SMURF2: variants seen among roughly 807,000 people sequenced by gnomAD.
SMURF2 encodes the protein E3 ubiquitin-protein ligase SMURF2.
A neutral mutation model predicts 109.6 loss-of-function variants in SMURF2; 48 were observed. That is an observed-to-expected ratio of 0.44 (90% CI 0.35 to 0.56). SMURF2 has a LOEUF of 0.56. Ranked by LOEUF, SMURF2 falls within the 20% of genes least tolerant of loss-of-function variation. The pLI, the probability that SMURF2 is intolerant of heterozygous loss-of-function variation, is 0.01. For synonymous variants in SMURF2, 288 were observed against 317.1 expected (o/e 0.91, Z 0.97); for missense variants, 575 against 909.0 (o/e 0.63, Z 4.72).
chr17:64,627,834 T>G (rs1970287921), intron 1 of SMURF2, among the ~76,000 whole-genome samples: 1 of 152,176 alleles, frequency 6.6e-6, no homozygotes, highest in African/African-American at 2.4e-5. Context: ...ACTCAAAAAT[T>G]TGGCTTTTCT....
intron 1 of SMURF2, among the ~76,000 whole-genome samples, chr17:64,609,654 T>TA (rs1222173328): frequency 1.6e-5 from 2 of 128,388 alleles, no homozygotes; most frequent in Admixed American, 1.4e-4. Flanking sequence ...ACGTAAGACT[T>TA]AAAACCATAA....
chr17:64,572,513 C>T (rs548650995), intron 9 of SMURF2, among the ~76,000 whole-genome samples: 2 of 152,254 alleles, frequency 1.3e-5, no homozygotes, highest in East Asian at 1.9e-4. Context: ...CAATGAAGAA[C>T]CTGTTTAAGA....
At chr17:64,560,822 C>T (rs1304225102) in intron 12 of SMURF2, 2 of 150,520 alleles carry the variant, frequency 1.3e-5, no homozygotes, top group African/African-American at 2.4e-5. Flanking sequence ...AAAAACTAGC[C>T]GGGTGTGGTG....
At chr17:64,659,860 G>A (rs1381718979) in intron 1 of SMURF2, among the ~76,000 whole-genome samples, 2 of 152,122 alleles carry the variant, frequency 1.3e-5, no homozygotes, top group African/African-American at 4.8e-5. Flanking sequence ...GAAGGACAAT[G>A]TTTTTAATAT....
At chr17:64,566,633 G>A (rs1359232132) in intron 10 of SMURF2, among the ~76,000 whole-genome samples, 31 of 129,518 alleles carry the variant, frequency 2.4e-4, no homozygotes, top group African/African-American at 7.0e-4. Flanking sequence ...GTGCAGTGGC[G>A]CAATCTCCGC....
In SMURF2 at chr17:64,561,736, C is replaced by A. The variant is rs1373814234; in HGVS notation, c.1213-133G>T. 22 of 613,656 alleles carry A rather than the reference C, an allele frequency of 3.6e-5. 1 individual carries two copies. The South Asian group carries it at 4.5e-4, about 13-fold the overall frequency. The allele number at this position is 613,656 out of a possible 1,614,324, so 38.0% of individuals were successfully genotyped here. On this transcript the variant is annotated intron_variant, in intron 11 of 18. Coordinates refer to ENST00000262435, the MANE Select transcript of SMURF2 (RefSeq NM_022739.4). ...ATTTGGCCAGGTGCAGTAGCTCACA[C>A]CTGTAATCCCAACACTTTGGGAGGC... is the stretch of plus-strand genomic sequence containing the variant.
intron 5 of SMURF2, among the ~76,000 whole-genome samples, 196 bp downstream of exon 5, chr17:64,590,888 C>CT (rs11455884): frequency 0.58 from 86,056 of 147,236 alleles, 27,118 homozygotes; most frequent in African/African-American, 0.86. Flanking sequence ...CTTCACAAAA[C>CT]TTTTTTTTTT....
chr17:64,611,113 C>G (rs782100185), intron 1 of SMURF2, among the ~76,000 whole-genome samples: 1 of 152,156 alleles, frequency 6.6e-6, no homozygotes, highest in Non-Finnish European at 1.5e-5. Context: ...GGGTTTTGCC[C>G]TAGGTTCTCT....
intron 4 of SMURF2, 25 bp downstream of exon 4, chr17:64,593,415 T>C (rs1555687840): frequency 3.1e-6 from 5 of 1,592,928 alleles, no homozygotes; most frequent in Middle Eastern, 4.6e-4. Context: ...GTTTTTTAAT[T>C]GGAAAAGCAC....
Position 64,563,333 on chromosome 17 carries a change from G to C in SMURF2, c.1017-367C>G, listed in dbSNP as rs147349128. On this transcript the variant is annotated intron_variant, in intron 10 of 18. Transcript: ENST00000262435. ...ATCTAGACTCTTTCTTTCTGGAAGA[G>C]CCAAACAGGAGTCTGAAAGGCAGCT... 5.3e-3 allele frequency among the ~76,000 whole-genome samples: 805 copies of C among 152,288 alleles called. 11 individuals are homozygous for C. The highest frequency in any genetic ancestry group is 3.7e-3 in the Non-Finnish European group (255 of 68,022).
At chr17:64,615,256 C>T (rs73333961) in intron 1 of SMURF2, among the ~76,000 whole-genome samples, 281 of 152,098 alleles carry the variant, frequency 1.8e-3, no homozygotes, top group African/African-American at 6.4e-3. Context: ...TGGAATGAGA[C>T]TGCTTGAGAG....
At chr17:64,563,341 G>T (rs1442919399) in intron 10 of SMURF2, among the ~76,000 whole-genome samples, 1 of 152,186 alleles carries the variant, frequency 6.6e-6, no homozygotes, top group Non-Finnish European at 1.5e-5. Flanking sequence ...GAGCCAAACA[G>T]GAGTCTGAAA....
intron 1 of SMURF2, among the ~76,000 whole-genome samples, chr17:64,656,575 TA>T (rs780794093): frequency 1.3e-4 from 20 of 152,036 alleles, no homozygotes; most frequent in Non-Finnish European, 2.8e-4. Context: ...AGAAGCAGCC[TA>T]AAGGAAAAAT....
intron 9 of SMURF2, among the ~76,000 whole-genome samples, chr17:64,572,240 A>C (rs908007417): frequency 1.3e-5 from 2 of 152,316 alleles, no homozygotes; most frequent in African/African-American, 4.8e-5. Context: ...ATCAATCCCA[A>C]TATTTGCCAA....
intron 1 of SMURF2, among the ~76,000 whole-genome samples, chr17:64,635,008 T>C (rs1970396973): frequency 6.6e-6 from 1 of 152,102 alleles, no homozygotes; most frequent in Non-Finnish European, 1.5e-5. Flanking sequence ...TTATGACAAG[T>C]TTTTTTCCCA....
chr17:64,554,300 T>C (rs1555683845), intron 15 of SMURF2, among the ~76,000 whole-genome samples: 3 of 152,222 alleles, frequency 2.0e-5, no homozygotes, highest in African/African-American at 7.2e-5. Context: ...GCAGAAGTCA[T>C]GTTGGCCAGG....
rs367973230 is a variant in SMURF2, at chr17:64,578,601, A to C, written c.773-25T>G. 1.1e-4 allele frequency: 161 copies of C among 1,508,128 alleles called. No individual in the cohort carries two copies. The highest frequency in any genetic ancestry group is 2.0e-5 in the Non-Finnish European group (22 of 1,083,958). 93.4% of individuals were successfully genotyped at this position (1,508,128 alleles called of 1,614,324 possible). ...TCTGTAAAATTAATAAACACTGATA[A>C]CAAAAACATTCAGAGTGTCCAGATC... On this transcript the variant is annotated intron_variant, in intron 8 of 18. Coordinates refer to ENST00000262435, the MANE Select transcript of SMURF2 (RefSeq NM_022739.4).
chr17:64,550,894 C>A (rs1489351738), intron 16 of SMURF2, among the ~76,000 whole-genome samples: 2 of 151,904 alleles, frequency 1.3e-5, no homozygotes, highest in Non-Finnish European at 2.9e-5. Context: ...TAGGCTCTTA[C>A]CCAAATAAAT....
At chr17:64,608,414 T>TA (rs1213434481) in intron 1 of SMURF2, among the ~76,000 whole-genome samples, 1 of 152,132 alleles carries the variant, frequency 6.6e-6, no homozygotes, top group Non-Finnish European at 1.5e-5. Context: ...GTTTTGTTTT[T>TA]AAAAACATAA....
Sources: allele counts gnomAD v4.1 joint callset (sites outside exome capture counted in the v4.1 genomes callset), GRCh38; gene constraint gnomAD v4.1.1; transcripts MANE v1.5; gene names NCBI Gene and HGNC (gene_info 2026-07-23, HGNC 2026-07-21).